DNAH2: variants seen among roughly 807,000 people sequenced by gnomAD.
DNAH2 encodes axonemal beta dynein heavy chain 2.
DNAH2 carries 323 observed loss-of-function variants against 523.5 expected under a neutral mutation model. That is an observed-to-expected ratio of 0.62 (90% CI 0.56 to 0.68). The LOEUF (loss-of-function observed/expected upper bound fraction) is 0.68, where lower values mean the gene tolerates loss of function less well. DNAH2 is among the 30% of genes least tolerant of loss of function. The pLI is 0.00. For synonymous variants in DNAH2, 2,093 were observed against 2,177.4 expected (o/e 0.96, Z 1.08); for missense variants, 4,907 against 5,701.5 (o/e 0.86, Z 4.49).
Position 7,788,136 on chromosome 17 carries a change from G to T in DNAH2, c.6792G>T (p.Met2264Ile), listed in dbSNP as rs770707859. 3 of 1,614,224 alleles carry T rather than the reference G, an allele frequency of 1.9e-6. No individual in the cohort carries two copies. The highest frequency in any genetic ancestry group is 2.2e-5 in the South Asian group (2 of 91,088). Residue 2264 changes from methionine to isoleucine, a missense_variant, in exon 44 of 86, where the codon ATG becomes ATT. This residue lies in a region of DNAH2 where 2,806 missense variants were observed against 3,190.8 expected (regional missense o/e 0.88). Coordinates refer to ENST00000572933, the MANE Select transcript of DNAH2 (RefSeq NM_020877.5). Reference protein sequence around the residue: ...QRMFEKLINKMLAFKKDNCKE... With the variant: ...QRMFEKLINKILAFKKDNCKE... ...TGTTCGAAAAGCTCATCAACAAGAT[G>T]CTGGCCTTTAAGAAGGACAACTGCA...
chr17:7,729,642 C>G (rs2074928451), intron 4 of DNAH2, among the ~76,000 whole-genome samples: 1 of 152,136 alleles, frequency 6.6e-6, no homozygotes, highest in Non-Finnish European at 1.5e-5. Flanking sequence ...GTTGGTCAGG[C>G]TGGTCTCAAA....
rs909569038 is a variant in DNAH2, at chr17:7,832,400, C to T, written c.12727-179C>T. 2.6e-5 allele frequency among the ~76,000 whole-genome samples: 4 copies of T among 152,014 alleles called. No individual in the cohort carries two copies. Among genetic ancestry groups the T allele is most frequent in the African/African-American group, 9.7e-5 (4 of 41,376 alleles). On this transcript the variant is annotated intron_variant, in intron 82 of 85. Coordinates refer to ENST00000572933, the MANE Select transcript of DNAH2 (RefSeq NM_020877.5). The surrounding 1 kb of genome is among the most constrained non-coding windows in gnomAD (Gnocchi z 4.3). ...TGGTGGGCGCCTGTAATCCCAGCTA[C>T]TTGGGAGGCTGAGGCAGGAGAATAG... is the stretch of plus-strand genomic sequence containing the variant.
chr17:7,808,040 G>A (rs1159969194), intron 63 of DNAH2, among the ~76,000 whole-genome samples: 5 of 152,184 alleles, frequency 3.3e-5, no homozygotes, highest in Admixed American at 1.3e-4. Context: ...GTTAGTTACC[G>A]TGAGGAGTCT....
At position 7,807,346 on chromosome 17, in the gene DNAH2, C is replaced by T. The variant is rs762270654; in HGVS notation, c.9612+27C>T. 13 of 1,568,640 alleles carry T rather than the reference C, an allele frequency of 8.3e-6. No individual in the cohort carries two copies. In the Admixed American group the frequency reaches 8.6e-5, roughly 10 times the overall value. ...TAAAGGCGTCAGGGCTGGGGCGGGG[C>T]GGTAGGGAGGGCAGGCCTGGGGGAG... is the stretch of plus-strand genomic sequence containing the variant. On this transcript the variant is annotated intron_variant, in intron 62 of 85. Transcript: ENST00000572933. The surrounding 1 kb of genome is among the most constrained non-coding windows in gnomAD (Gnocchi z 5.6).
chr17:7,772,747 TG>T (rs2076351057), intron 28 of DNAH2, among the ~76,000 whole-genome samples: 1 of 130,506 alleles, frequency 7.7e-6, no homozygotes, highest in African/African-American at 2.8e-5. Context: ...CTACTCACAT[TG>T]GTTTTTTGTT....
At position 7,824,623 on chromosome 17, in the gene DNAH2, G is replaced by C; in HGVS notation, c.11749G>C (p.Asp3917His). The C allele has an allele frequency of 6.2e-7, 1 of 1,608,436 alleles. No homozygotes were observed. The highest frequency in any genetic ancestry group is 8.5e-7 in the Non-Finnish European group (1 of 1,176,206). The stretch of plus-strand genomic sequence containing the variant: ...GCTGGTGGAGCAGCTGCAGGTGGAG[G>C]ATCCTCATCCATCCTTCCGCCTCTG... Reference protein sequence around the residue: ...DKLVEQLQVEDPHPSFRLWLS... With the variant: ...DKLVEQLQVEHPHPSFRLWLS... Residue 3917 changes from aspartate to histidine, a missense_variant, in exon 77 of 86, where the codon GAT becomes CAT. Asp to His is a moderately conservative substitution (Grantham distance 81, BLOSUM62 -1). Coordinates refer to ENST00000572933, the MANE Select transcript of DNAH2 (RefSeq NM_020877.5).
chr17:7,734,108 C>G (rs1372508515), intron 5 of DNAH2, 75 bp from the exon 6 acceptor site: 6 of 1,315,864 alleles, frequency 4.6e-6, no homozygotes, highest in Non-Finnish European at 6.3e-6. Context: ...CCCTACCGAT[C>G]ATCAACCGTG....
intron 31 of DNAH2, among the ~76,000 whole-genome samples, chr17:7,776,410 G>T (rs1034850034): frequency 6.6e-6 from 1 of 152,208 alleles, no homozygotes; most frequent in Non-Finnish European, 1.5e-5. Flanking sequence ...AGGTTGTAGT[G>T]AGCCGAGATT....
At chr17:7,738,721 T>C (rs935677483) in intron 8 of DNAH2, among the ~76,000 whole-genome samples, 3 of 152,088 alleles carry the variant, frequency 2.0e-5, no homozygotes, top group African/African-American at 7.2e-5. Context: ...AAAATTCTAT[T>C]ATGTATGAAT....
intron 21 of DNAH2, 53 bp downstream of exon 21, chr17:7,765,618 C>A (rs759619936): frequency 1.2e-5 from 19 of 1,562,482 alleles, no homozygotes; most frequent in Non-Finnish European, 1.6e-5. Flanking sequence ...AGAGACCCCG[C>A]CTTCCAAGCC....
chr17:7,831,736 T>C lies in DNAH2; in HGVS notation c.12687T>C (p.Asn4229=), dbSNP rs1473178383. ...CTACAAGCCTGGAAGAGATTTTCAA[T>C]TGCATCTTTGATGCCCATGTTCCTC... is the stretch of plus-strand genomic sequence containing the variant. The part of the protein sequence containing the change: ...VMSTSLEEIF[N]CIFDAHVPPL... The change falls in exon 82 of 86, where the codon AAT becomes AAC. Residue 4229 remains asparagine, a synonymous_variant. Transcript: ENST00000572933. The surrounding 1 kb of genome is among the most constrained non-coding windows in gnomAD (Gnocchi z 4.2). 6.2e-7 allele frequency: 1 copy of C among 1,614,126 alleles called. No homozygotes were observed. Among genetic ancestry groups the C allele is most frequent in the East Asian group, 2.2e-5 (1 of 44,886 alleles).
chr17:7,732,864 T>C (rs1394106780), intron 4 of DNAH2, among the ~76,000 whole-genome samples: 3 of 152,120 alleles, frequency 2.0e-5, no homozygotes, highest in Non-Finnish European at 2.9e-5. Context: ...TTGGACAAAA[T>C]GTACAGTCCC....
rs180948186 is a variant in DNAH2 at position 7,805,214 on chromosome 17, G to A, written c.9301-38G>A. 36 of 1,610,912 alleles carry A rather than the reference G, an allele frequency of 2.2e-5. No homozygotes were observed. In the African/African-American group the frequency reaches 3.3e-4, roughly 15 times the overall value. On this transcript the variant is annotated intron_variant, in intron 60 of 85. Coordinates refer to ENST00000572933, the MANE Select transcript of DNAH2 (RefSeq NM_020877.5). ...CTCAGCTAGGTTCTGTCTCCAGAAG[G>A]TCCTGTCTTACCCTCACTTTATCCC...
intron 56 of DNAH2, 30 bp downstream of exon 56, chr17:7,799,272 C>T (rs775141035): frequency 1.9e-6 from 3 of 1,609,780 alleles, no homozygotes; most frequent in East Asian, 2.2e-5. Flanking sequence ...TCTCTCAGCC[C>T]CTTCTGTGTG....
In DNAH2 at chr17:7,830,387, C is replaced by T. The variant is rs1337109628; in HGVS notation, c.11941C>T (p.Leu3981=). 3 of 1,614,234 alleles carry T rather than the reference C, an allele frequency of 1.9e-6. No individual in the cohort carries two copies. Among genetic ancestry groups the T allele is most frequent in the Non-Finnish European group, 2.5e-6 (3 of 1,180,042 alleles). The change falls in exon 78 of 86, where the codon CTG becomes TTG. Residue 3981 remains leucine (L), a synonymous_variant. Transcript: ENST00000572933. The part of the protein sequence containing the change: ...RCSKPAKYKK[L]LFSLCFFHSV... ...CTCCAAACCTGCCAAATATAAGAAGCTGCTGTTTTCACTCTGTTTCTTCCA... is the reference window on the plus strand; with the variant it reads ...CTCCAAACCTGCCAAATATAAGAAGTTGCTGTTTTCACTCTGTTTCTTCCA...
At position 7,760,005 on chromosome 17, in the gene DNAH2, A is replaced by G; in HGVS notation, c.2785+67A>G. 1 of 1,607,178 alleles carries G rather than the reference A, an allele frequency of 6.2e-7. No individual in the cohort carries two copies. The highest frequency in any genetic ancestry group is 8.5e-7 in the Non-Finnish European group (1 of 1,174,948). On this transcript the variant is annotated intron_variant, in intron 17 of 85. Transcript: ENST00000572933. The surrounding 1 kb of genome is among the most constrained non-coding windows in gnomAD (Gnocchi z 4.0). ...AGGCTGTCGAGTGGGCCAGGCCAGG[A>G]GGAGAGACCAGGGCTATTTCCAGGC...
chr17:7,822,255 G>A (rs1440845555), intron 73 of DNAH2, among the ~76,000 whole-genome samples: 1 of 152,200 alleles, frequency 6.6e-6, no homozygotes, highest in Non-Finnish European at 1.5e-5. Flanking sequence ...ATAGGTGTGA[G>A]CCACTGTGCC....
chr17:7,725,441 TTTTCTTTTTG>T (rs991078518), intron 3 of DNAH2, among the ~76,000 whole-genome samples: 2 of 136,976 alleles, frequency 1.5e-5, no homozygotes, highest in African/African-American at 5.5e-5. Context: ...TATATATATA[TTTTCTTTTTG>T]AGACAGAGTC....
chr17:7,771,048 C>T lies in DNAH2; in HGVS notation c.4362+115C>T, dbSNP rs1177243728. 3.4e-6 allele frequency: 4 copies of T among 1,168,638 alleles called. No homozygotes were observed. The African/African-American group carries it at 4.6e-5, about 14-fold the overall frequency. The allele number at this position is 1,168,638 out of a possible 1,614,324, so 72.4% of individuals were successfully genotyped here. A position where few individuals can be genotyped will look rare whatever the true frequency, so the allele number is the denominator to read the frequency against. On this transcript the variant is annotated intron_variant, in intron 27 of 85. Transcript: ENST00000572933. ...TTCTCCTACCTTTAAAGTCACTCTT[C>T]ATCTAGGACCCAGCTGTCTGATTCT...
Sources: gnomAD v4.1 joint callset for allele counts (sites outside exome capture counted in the v4.1 genomes callset) on GRCh38, gnomAD v4.1.1 for gene constraint, gnomAD v4.1.1 regional missense constraint, Gnocchi (gnomAD v3.1) non-coding constraint, MANE v1.5 for transcripts, NCBI Gene and HGNC (gene_info 2026-07-23, HGNC 2026-07-21) for gene names.